Variants in SENP6 observed in about 807,000 individuals in gnomAD.
SENP6 encodes SUMO specific peptidase 6, also known as sentrin-specific protease 6.
SENP6 carries 41 observed loss-of-function variants against 134.5 expected under a neutral mutation model. The observed-to-expected ratio is 0.30, with a 90% CI of 0.24 to 0.40. SENP6 has a LOEUF of 0.40. Ranked by LOEUF, SENP6 falls within the 10% of genes least tolerant of loss-of-function variation. SENP6 has a pLI of 1.00. For synonymous variants in SENP6, 395 were observed against 429.8 expected, an observed-to-expected ratio of 0.92 and a Z score of 1.00; for missense variants, 1,248 against 1,312.5, an observed-to-expected ratio of 0.95 and a Z score of 0.76.
rs764377961 is a variant in SENP6 at position 75,666,911 on chromosome 6, A to G, written c.1194A>G (p.Thr398=). ...IPEDSELNTV[T]LPRKARMKDQ... is the part of the protein sequence containing the mutation. ...AAGACTCAGAGTTAAATACAGTTAC[A>G]TTGCCAAGAAAAGCAAGAATGAAAG... Residue 398 remains threonine, a synonymous_variant, in exon 10 of 24, where the codon ACA becomes ACG. Transcript: ENST00000447266. The G allele has an allele frequency of 3.7e-6, 6 of 1,605,558 alleles. No homozygotes were observed. The Admixed American group carries it at 6.7e-5, about 18-fold the overall frequency.
chr6:75,680,496 A>G (rs1773390686), intron 16 of SENP6, among the ~76,000 whole-genome samples: 1 of 152,228 alleles, frequency 6.6e-6, no homozygotes, highest in Admixed American at 6.5e-5. Flanking sequence ...TTACATTTTA[A>G]GAGATAGACC....
rs1275189827 is a variant in SENP6 at position 75,670,620 on chromosome 6, C to G, written c.1292C>G (p.Ala431Gly). ...GTGTTTTCTCAAGAACCTCCAGATG[C>G]TTTAGCTTTAAGCTGCCAAAGTTCC... ...RKVFSQEPPDALALSCQSSFD... is the reference protein window; with the variant it reads ...RKVFSQEPPDGLALSCQSSFD... Residue 431 changes from alanine to glycine, a missense_variant, in exon 11 of 24, where the codon GCT becomes GGT. By Grantham distance (60) the Ala-to-Gly change is moderately conservative. Around this residue, in one of 3 missense-constraint regions of SENP6, gnomAD observed 733 missense variants for 725.4 expected, o/e 1.01. Transcript: ENST00000447266. The G allele has an allele frequency of 6.2e-7, 1 of 1,613,410 alleles. No individual in the cohort carries two copies. Among genetic ancestry groups the G allele is most frequent in the Non-Finnish European group, 8.5e-7 (1 of 1,179,672 alleles).
chr6:75,638,620 ATATTTTTTTTTTTTTTTTT>A (rs1769777945), intron 5 of SENP6, among the ~76,000 whole-genome samples: 1 of 33,168 alleles, frequency 3.0e-5, no homozygotes, highest in African/African-American at 1.4e-4. Flanking sequence ...ATATATATAT[ATATTTTTTTTTTTTTTTTT>A]TTTTTTTTTT....
At chr6:75,705,727 A>G (rs1236203107) in intron 19 of SENP6, among the ~76,000 whole-genome samples, 1 of 147,918 alleles carries the variant, frequency 6.8e-6, no homozygotes, top group East Asian at 1.9e-4. Flanking sequence ...AATAGATCTA[A>G]TACATTTTTC....
chr6:75,606,791 AAAAATCT>A (rs11280128), intron 1 of SENP6, among the ~76,000 whole-genome samples: 43,230 of 151,834 alleles, frequency 0.28, 6,676 homozygotes, highest in Non-Finnish European at 0.36. Context: ...AATCCAAAAA[AAAAATCT>A]GAAATCTGAA....
chr6:75,659,188 C>A (rs1582790987), intron 7 of SENP6, 74 bp from the exon 8 acceptor site: 1 of 1,091,586 alleles, frequency 9.2e-7, no homozygotes, highest in South Asian at 1.5e-5. Context: ...GTCTTATGTT[C>A]TGATTATTTT....
intron 7 of SENP6, among the ~76,000 whole-genome samples, chr6:75,653,953 G>T (rs1249999698): frequency 6.6e-6 from 1 of 152,184 alleles, no homozygotes; most frequent in African/African-American, 2.4e-5. Flanking sequence ...GCCAAGCATG[G>T]TGGCTCACAC....
At chr6:75,628,784 A>G (rs1425759637) in intron 3 of SENP6, among the ~76,000 whole-genome samples, 2 of 152,222 alleles carry the variant, frequency 1.3e-5, no homozygotes, top group Non-Finnish European at 2.9e-5. Flanking sequence ...CAGTGGGGCA[A>G]TCTCGGCTCA....
At chr6:75,659,521 A>G (rs984172518) in intron 8 of SENP6, 114 bp downstream of exon 8, 21 of 996,066 alleles carry the variant, frequency 2.1e-5, no homozygotes, top group Non-Finnish European at 2.8e-5. Context: ...AGAGACTTGG[A>G]AAACTTATTT....
At chr6:75,643,973 C>G (rs1480690768) in intron 6 of SENP6, 1 of 152,004 alleles carries the variant, frequency 6.6e-6, no homozygotes, top group Non-Finnish European at 1.5e-5. Flanking sequence ...TTTCTAAATA[C>G]CACTCTCCAC....
chr6:75,640,962 G>A (rs1022556842), intron 6 of SENP6, among the ~76,000 whole-genome samples: 1 of 152,040 alleles, frequency 6.6e-6, no homozygotes, highest in Admixed American at 6.5e-5. Context: ...CCTTTGTGTT[G>A]TCAGCATTCA....
Position 75,602,419 on chromosome 6 carries a change from C to T in SENP6, c.-106C>T, listed in dbSNP as rs1387165598. The T allele has an allele frequency of 8.1e-6, 11 of 1,351,860 alleles. No homozygotes were observed. The highest frequency in any genetic ancestry group is 1.1e-5 in the Non-Finnish European group (11 of 978,120). The allele number at this position is 1,351,860 out of a possible 1,614,324, so 83.7% of individuals were successfully genotyped here. A position where few individuals can be genotyped will look rare whatever the true frequency, so the allele number is the denominator to read the frequency against. On this transcript the variant is annotated 5_prime_UTR_variant, in exon 1 of 24. Transcript: ENST00000447266. Reference sequence around the variant, plus strand: ...CCGCCTGACGGCTGAGCCCGAGGCCCGCAACCCTGCGGCGTCTACCCTCCT... The same window carrying T: ...CCGCCTGACGGCTGAGCCCGAGGCCTGCAACCCTGCGGCGTCTACCCTCCT...
At chr6:75,658,815 T>TA (rs1402354429) in intron 7 of SENP6, among the ~76,000 whole-genome samples, 2 of 151,190 alleles carry the variant, frequency 1.3e-5, no homozygotes, top group African/African-American at 4.9e-5. Flanking sequence ...CTACAAATAA[T>TA]AAAAAAATTA....
At chr6:75,652,696 A>G (rs200565081) in intron 7 of SENP6, among the ~76,000 whole-genome samples, 1 of 148,714 alleles carries the variant, frequency 6.7e-6, no homozygotes, top group East Asian at 2.1e-4. Flanking sequence ...AAAAAAAAAA[A>G]AAAAAAAGAA....
At chr6:75,620,312 A>G (rs1768172339) in intron 1 of SENP6, among the ~76,000 whole-genome samples, 1 of 152,120 alleles carries the variant, frequency 6.6e-6, no homozygotes, top group African/African-American at 2.4e-5. Flanking sequence ...GTCTTAGTTC[A>G]TTCGGGCTGC....
At chr6:75,620,694 G>A (rs1768204187) in intron 1 of SENP6, 1 of 152,202 alleles carries the variant, frequency 6.6e-6, no homozygotes, top group Admixed American at 6.5e-5. Context: ...AACTCAGAAA[G>A]CCAGAGCCAA....
At chr6:75,612,824 A>G (rs545875591) in intron 1 of SENP6, among the ~76,000 whole-genome samples, 1 of 152,316 alleles carries the variant, frequency 6.6e-6, no homozygotes, top group Admixed American at 6.5e-5. Context: ...TCAGAAAACT[A>G]TGCCCCAGAC....
intron 6 of SENP6, among the ~76,000 whole-genome samples, 174 bp downstream of exon 6, chr6:75,640,878 A>G (rs1561995760): frequency 6.6e-6 from 1 of 152,180 alleles, no homozygotes. Context: ...AGAGTAATAT[A>G]TCAATACAGG....
intron 1 of SENP6, among the ~76,000 whole-genome samples, chr6:75,610,225 C>A (rs1767339756): frequency 6.6e-6 from 1 of 152,128 alleles, no homozygotes. Context: ...ATGCCTGGGT[C>A]TTGCTCTCAT....
Sources: allele counts gnomAD v4.1 joint callset (sites outside exome capture counted in the v4.1 genomes callset), GRCh38; gene constraint gnomAD v4.1.1; regional missense constraint gnomAD v4.1.1; transcripts MANE v1.5; gene names NCBI Gene and HGNC (gene_info 2026-07-23, HGNC 2026-07-21).